Variants in LTBP4 observed in about 807,000 individuals in gnomAD.
LTBP4 encodes latent-transforming growth factor beta-binding protein 4.
Under a neutral mutation model 180.2 loss-of-function variants are expected in LTBP4, and 93 were observed. The observed-to-expected ratio is 0.52, with a 90% CI of 0.44 to 0.61. LTBP4 has a LOEUF of 0.61. Among genes scored for constraint, LTBP4 ranks in the 20% least tolerant of loss-of-function variants. LTBP4 has a pLI of 0.00. For synonymous variants in LTBP4, 947 were observed against 934.5 expected, an observed-to-expected ratio of 1.01 and a Z score of -0.24; for missense variants, 2,116 against 2,256.5, an observed-to-expected ratio of 0.94 and a Z score of 1.26.
chr19:40,611,958 C>T lies in LTBP4; in HGVS notation c.2153C>T (p.Pro718Leu). 2 of 1,611,810 alleles carry T rather than the reference C, an allele frequency of 1.2e-6. No homozygotes were observed. Among genetic ancestry groups the T allele is most frequent in the Non-Finnish European group, 1.7e-6 (2 of 1,178,904 alleles). ...TGTGTCTGCCCCATGGGCTTCCAAC[C>T]CAACACTGCTGGCTCCGAGTGCGAG... ...FQCVCPMGFQ[P>L]NTAGSECEDV... Residue 718 changes from proline to leucine, a missense_variant, in exon 14 of 30, where the codon CCC (proline) becomes CTC (leucine). Physicochemically the swap from Pro to Leu is moderately conservative, Grantham distance 98 (BLOSUM62 -3). This residue lies in a region of LTBP4 where 877 missense variants were observed against 873.6 expected (regional missense o/e 1.00). Coordinates refer to ENST00000396819, the MANE Select transcript of LTBP4 (RefSeq NM_001042545.2). This position sits in a 1 kb window ranked among gnomAD's most constrained non-coding sequence, Gnocchi z 4.4.
chr19:40,625,268 A>T (rs1388958983), intron 26 of LTBP4, among the ~76,000 whole-genome samples: 1 of 2,778 alleles, frequency 3.6e-4, no homozygotes, highest in Non-Finnish European at 6.2e-4. Context: ...ATATATATAT[A>T]TATATATATA....
rs532395470 is a variant in LTBP4 at position 40,623,932 on chromosome 19, C to G, written c.3686-4C>G. On this transcript the variant is annotated splice_region_variant and splice_polypyrimidine_tract_variant and intron_variant, in intron 25 of 29. Transcript: ENST00000396819. ...GGGATGCCTCTTAATCATCCTCTCC[C>G]TAGACAATGACGAGTGCGCCGATGA... 6.2e-7 allele frequency: 1 copy of G among 1,613,886 alleles called. No individual in the cohort carries two copies. Among genetic ancestry groups the G allele is most frequent in the African/African-American group, 1.3e-5 (1 of 75,064 alleles).
Position 40,611,888 on chromosome 19 carries a change from C to T in LTBP4, c.2083C>T (p.Pro695Ser). Residue 695 changes from proline (P) to serine (S), a missense_variant, in exon 14 of 30, where the codon CCC becomes TCC. Around this residue, in one of 5 missense-constraint regions of LTBP4, gnomAD observed 877 missense variants for 873.6 expected, o/e 1.00. Coordinates refer to ENST00000396819, the MANE Select transcript of LTBP4 (RefSeq NM_001042545.2). This position sits in a 1 kb window ranked among gnomAD's most constrained non-coding sequence, Gnocchi z 4.4. The stretch of plus-strand genomic sequence containing the variant: ...GGATGAGTGTGCCCGAAGCCCCCCA[C>T]CCTGCACCTACGGCCGGTGTGAGAA... Reference protein sequence around the residue: ...DVDECARSPPPCTYGRCENTE... With the variant: ...DVDECARSPPSCTYGRCENTE... 6.2e-7 allele frequency: 1 copy of T among 1,608,690 alleles called. No individual in the cohort carries two copies. Among genetic ancestry groups the T allele is most frequent in the Non-Finnish European group, 8.5e-7 (1 of 1,177,776 alleles).
At chr19:40,597,181 G>A (rs1371911065), upstream of LTBP4, 1 of 1,360,918 alleles carries the variant, frequency 7.3e-7, no homozygotes, top group Non-Finnish European at 9.4e-7. Context: ...GCCGGGGCTA[G>A]CCTGACCCGC....
chr19:40,627,451 C>A, intron 28 of LTBP4, 96 bp downstream of exon 28: 1 of 1,402,696 alleles, frequency 7.1e-7, no homozygotes, highest in Non-Finnish European at 9.4e-7. Flanking sequence ...AGAGACGGAA[C>A]ACAGGTGCAA....
At chr19:40,608,746 A>C in intron 9 of LTBP4, 143 bp downstream of exon 9, 2 of 883,088 alleles carry the variant, frequency 2.3e-6, no homozygotes. Context: ...CCCTGTCTCT[A>C]CTAAAACTAC....
At chr19:40,594,904 C>T (rs2081382492) in intron 1 of LTBP4, among the ~76,000 whole-genome samples, 1 of 149,060 alleles carries the variant, frequency 6.7e-6, no homozygotes, top group African/African-American at 2.5e-5. Flanking sequence ...GCACACCCTC[C>T]TGGATTGGAA....
At chr19:40,610,018 T>A in intron 11 of LTBP4, 147 bp downstream of exon 11, 1 of 1,125,616 alleles carries the variant, frequency 8.9e-7, no homozygotes, top group Non-Finnish European at 1.2e-6. Flanking sequence ...TGCCCTTCCC[T>A]GACCCGCCTC....
chr19:40,623,155 C>CTCTT (rs907530048), intron 24 of LTBP4, 134 bp downstream of exon 24: 1 of 550,232 alleles, frequency 1.8e-6, no homozygotes, highest in Non-Finnish European at 3.0e-6. Context: ...CATACTCTGT[C>CTCTT]TCTTTCTTTC....
At chr19:40,619,179 C>G (rs1426867358) in intron 21 of LTBP4, among the ~76,000 whole-genome samples, 168 bp from the exon 22 acceptor site, 1 of 152,004 alleles carries the variant, frequency 6.6e-6, no homozygotes, top group Non-Finnish European at 1.5e-5. Context: ...TAGAGGAGCA[C>G]AGGGTTCCCA....
rs41470347 is a variant in LTBP4 at position 40,611,848 on chromosome 19, C to A, written c.2054-11C>A. 0.078 allele frequency: 125,720 copies of A among 1,604,842 alleles called. 5,683 individuals are homozygous for A. Among genetic ancestry groups the A allele is most frequent in the Middle Eastern group, 0.12 (722 of 6,048 alleles). On this transcript the variant is annotated splice_polypyrimidine_tract_variant and intron_variant, in intron 13 of 29. Coordinates refer to ENST00000396819, the MANE Select transcript of LTBP4 (RefSeq NM_001042545.2). The surrounding 1 kb of genome is among the most constrained non-coding windows in gnomAD (Gnocchi z 4.4). ...CCCCTTCCTCAGCCTCATTGGTCCC[C>A]TCTGCCCCAGATGTGGATGAGTGTG...
At position 40,617,020 on chromosome 19, in the gene LTBP4, G is replaced by A; in HGVS notation, c.2944G>A (p.Asp982Asn). Residue 982 changes from aspartate to asparagine, a missense_variant and splice_region_variant, in exon 20 of 30, where the codon GAT becomes AAT. By Grantham distance (23) the Asp-to-Asn change is conservative (BLOSUM62 1). This residue lies in a region of LTBP4 where 877 missense variants were observed against 873.6 expected (regional missense o/e 1.00). Coordinates refer to ENST00000396819, the MANE Select transcript of LTBP4 (RefSeq NM_001042545.2). ...YQPTPGGGCQDVDECRNRSFC... is the reference protein window; with the variant it reads ...YQPTPGGGCQNVDECRNRSFC... ...GCCCACGCCAGGGGGCGGATGCCAG[G>A]GTGGGTGTCCATCAGGCATCGGGTG... The A allele has an allele frequency of 6.2e-7, 1 of 1,613,030 alleles. No individual in the cohort carries two copies. The highest frequency in any genetic ancestry group is 1.1e-5 in the South Asian group (1 of 91,068).
In LTBP4 at chr19:40,629,209, C is replaced by T. The variant is rs951427665; in HGVS notation, c.4520-187C>T. 3.9e-5 allele frequency among the ~76,000 whole-genome samples: 6 copies of T among 152,150 alleles called. No individual in the cohort carries two copies. The highest frequency in any genetic ancestry group is 1.5e-5 in the Non-Finnish European group (1 of 68,028). On this transcript the variant is annotated intron_variant, in intron 29 of 29. Coordinates refer to ENST00000396819, the MANE Select transcript of LTBP4 (RefSeq NM_001042545.2). This position sits in a 1 kb window ranked among gnomAD's most constrained non-coding sequence, Gnocchi z 4.5. ...GGGCCACCATATCCATCTTACAGAA[C>T]ACGAAACTGAAGCACAGTGAGGTTA...
upstream of LTBP4, chr19:40,597,279 G>A: frequency 1.3e-6 from 2 of 1,522,004 alleles, no homozygotes; most frequent in Non-Finnish European, 1.8e-6. Context: ...TCCTGCTGGT[G>A]CTGTTGCTGC....
intron 9 of LTBP4, 96 bp downstream of exon 9, chr19:40,608,699 T>A (rs1004810661): frequency 7.0e-7 from 1 of 1,427,166 alleles, no homozygotes; most frequent in Non-Finnish European, 9.5e-7. Flanking sequence ...GATCACCAGG[T>A]CAGGAGTTCG....
intron 22 of LTBP4, among the ~76,000 whole-genome samples, chr19:40,621,180 T>C (rs2081584084): frequency 6.6e-6 from 1 of 152,056 alleles, no homozygotes; most frequent in Non-Finnish European, 1.5e-5. Context: ...TGACCTCAGG[T>C]CATCCACCTG....
chr19:40,609,521 A>AC lies in LTBP4; in HGVS notation c.1427-3dup, dbSNP rs752430637. Reference sequence around the variant, plus strand: ...AGATGGGGGAACCCTGGCTGACTGGACCCCCCAGGTCCCTCCTCCGGCATG... The same window carrying AC: ...AGATGGGGGAACCCTGGCTGACTGGACCCCCCCAGGTCCCTCCTCCGGCATG... On this transcript the variant is annotated splice_polypyrimidine_tract_variant and intron_variant, in intron 9 of 29. Transcript: ENST00000396819. This position sits in a 1 kb window ranked among gnomAD's most constrained non-coding sequence, Gnocchi z 4.9. 7 of 1,609,222 alleles carry AC rather than the reference A, an allele frequency of 4.3e-6. No individual in the cohort carries two copies. In the African/African-American group the frequency reaches 5.4e-5, roughly 12 times the overall value.
In LTBP4 at chr19:40,609,885, C is replaced by T. The variant is rs2081492350; in HGVS notation, c.1684+14C>T. 3 of 1,525,626 alleles carry T rather than the reference C, an allele frequency of 2.0e-6. No individual in the cohort carries two copies. The highest frequency in any genetic ancestry group is 2.6e-6 in the Non-Finnish European group (3 of 1,133,590). The allele number at this position is 1,525,626 out of a possible 1,614,324, so 94.5% of individuals were successfully genotyped here. ...CGGAATGCCTGGGTGAGAAATTTGCCCCACCCGGCTCCAGGCCCACCCCAG... is the reference window on the plus strand; with the variant it reads ...CGGAATGCCTGGGTGAGAAATTTGCTCCACCCGGCTCCAGGCCCACCCCAG... On this transcript the variant is annotated intron_variant, in intron 11 of 29. Transcript: ENST00000396819. This position sits in a 1 kb window ranked among gnomAD's most constrained non-coding sequence, Gnocchi z 4.9.
chr19:40,615,642 C>T (rs1217450357), intron 19 of LTBP4, among the ~76,000 whole-genome samples: 2 of 152,172 alleles, frequency 1.3e-5, no homozygotes, highest in African/African-American at 4.8e-5. Flanking sequence ...CCTGTAGTCC[C>T]AGCTACTCAG....
Sources: gnomAD v4.1 joint callset for allele counts (sites outside exome capture counted in the v4.1 genomes callset) on GRCh38, gnomAD v4.1.1 for gene constraint, gnomAD v4.1.1 regional missense constraint, Gnocchi (gnomAD v3.1) non-coding constraint, MANE v1.5 for transcripts, NCBI Gene and HGNC (gene_info 2026-07-23, HGNC 2026-07-21) for gene names.